Variants in IGF2BP2 observed in about 807,000 individuals in gnomAD.
IGF2BP2 encodes the protein insulin-like growth factor 2 mRNA-binding protein 2.
In IGF2BP2, 17 loss-of-function variants were observed where a neutral mutation model predicts 75.8. The ratio of observed to expected loss-of-function variants is 0.22; its 90% CI spans 0.15 to 0.34. The LOEUF is 0.34. Ranked by LOEUF, IGF2BP2 falls within the 10% of genes least tolerant of loss-of-function variation. IGF2BP2 has a pLI of 1.00. For synonymous variants in IGF2BP2, 288 were observed against 295.6 expected, an observed-to-expected ratio of 0.97 and a Z score of 0.26; for missense variants, 516 against 772.4, an observed-to-expected ratio of 0.67 and a Z score of 3.93.
intron 2 of IGF2BP2, among the ~76,000 whole-genome samples, chr3:185,808,381 G>A (rs191914428): frequency 2.0e-4 from 30 of 152,106 alleles, no homozygotes; most frequent in South Asian, 1.0e-3. Flanking sequence ...CAGGGAGGCT[G>A]ATGCAGGAGA....
intron 2 of IGF2BP2, among the ~76,000 whole-genome samples, chr3:185,705,841 T>C (rs1307342702): frequency 1.3e-5 from 2 of 152,206 alleles, no homozygotes; most frequent in African/African-American, 2.4e-5. Flanking sequence ...TTCCACCTTA[T>C]GATCTAATCA....
rs1431929029 is a variant in IGF2BP2 at position 185,677,377 on chromosome 3, C to A, written c.813-1464G>T. ...AACAGAGGCAAGCAGCATTTAAGAA[C>A]TGCAGTTCTACAGTCAGACACCAGA... On this transcript the variant is annotated intron_variant, in intron 7 of 15. Transcript: ENST00000382199. Among the ~76,000 whole-genome samples, 3 of 152,042 alleles carry A rather than the reference C, an allele frequency of 2.0e-5. No individual in the cohort carries two copies. The East Asian group carries it at 5.8e-4, about 29-fold the overall frequency.
At chr3:185,666,266 G>A (rs1163151762) in intron 10 of IGF2BP2, among the ~76,000 whole-genome samples, 1 of 152,216 alleles carries the variant, frequency 6.6e-6, no homozygotes, top group Admixed American at 6.5e-5. Flanking sequence ...GAAGCTGTTT[G>A]TAGTGAGCAA....
At chr3:185,676,633 C>G (rs1234544391) in intron 7 of IGF2BP2, among the ~76,000 whole-genome samples, 1 of 151,312 alleles carries the variant, frequency 6.6e-6, no homozygotes, top group African/African-American at 2.4e-5. Flanking sequence ...TGATCACACA[C>G]TTCTGCACTC....
chr3:185,813,902 T>C, intron 2 of IGF2BP2, among the ~76,000 whole-genome samples: 1 of 152,080 alleles, frequency 6.6e-6, no homozygotes, highest in Admixed American at 6.6e-5. Flanking sequence ...AGAAGGAGAA[T>C]GAGAGAGGAA....
intron 7 of IGF2BP2, among the ~76,000 whole-genome samples, chr3:185,685,527 T>C (rs1414950057): frequency 6.6e-6 from 1 of 152,180 alleles, no homozygotes; most frequent in East Asian, 1.9e-4. Context: ...TGTTCTTCTT[T>C]TAAGGACCAT....
At chr3:185,712,654 A>C (rs1476542963) in intron 2 of IGF2BP2, 2 of 152,210 alleles carry the variant, frequency 1.3e-5, no homozygotes, top group African/African-American at 4.8e-5. Context: ...GAACTGTTGC[A>C]AGGAGAAGGT....
At chr3:185,765,691 A>G (rs1159970949) in intron 2 of IGF2BP2, among the ~76,000 whole-genome samples, 4 of 152,234 alleles carry the variant, frequency 2.6e-5, no homozygotes, top group Non-Finnish European at 2.9e-5. Context: ...AAAGCACACC[A>G]CTGCAGCAGC....
intron 3 of IGF2BP2, among the ~76,000 whole-genome samples, chr3:185,697,492 G>A (rs1279755953): frequency 6.6e-6 from 1 of 152,012 alleles, no homozygotes; most frequent in Non-Finnish European, 1.5e-5. Context: ...TCTTTGGGTG[G>A]GGAATAAAAT....
At chr3:185,749,452 A>T (rs942608166) in intron 2 of IGF2BP2, among the ~76,000 whole-genome samples, 1 of 152,256 alleles carries the variant, frequency 6.6e-6, no homozygotes, top group African/African-American at 2.4e-5. Context: ...GTCCAAGTTC[A>T]AACAAGCAAT....
chr3:185,715,411 CCA>C (rs369790373), intron 2 of IGF2BP2, among the ~76,000 whole-genome samples: 4 of 152,312 alleles, frequency 2.6e-5, no homozygotes, highest in Middle Eastern at 3.4e-3. Flanking sequence ...TCATCACGCC[CCA>C]CACAGAGTCA....
At chr3:185,734,209 C>T (rs1728561359) in intron 2 of IGF2BP2, among the ~76,000 whole-genome samples, 1 of 152,230 alleles carries the variant, frequency 6.6e-6, no homozygotes, top group Non-Finnish European at 1.5e-5. Context: ...CACATAGTTA[C>T]ATAGGTGAAA....
intron 2 of IGF2BP2, among the ~76,000 whole-genome samples, chr3:185,740,200 C>A (rs780364923): frequency 2.0e-5 from 3 of 152,092 alleles, no homozygotes; most frequent in African/African-American, 7.2e-5. Flanking sequence ...TACACAAAAC[C>A]ATGTATGTCC....
Position 185,647,734 on chromosome 3 carries a change from A to G in IGF2BP2, c.1594-596T>C, listed in dbSNP as rs559547913. 2.6e-5 allele frequency among the ~76,000 whole-genome samples: 4 copies of G among 152,200 alleles called. 1 individual carries two copies. The South Asian group carries it at 8.3e-4, about 32-fold the overall frequency. ...CCATGCTGAGCTCCTCGTGTCTCCA[A>G]CCACTGCCTGCATTGTTCATCCTCC... On this transcript the variant is annotated intron_variant, in intron 14 of 15. Coordinates refer to ENST00000382199, the MANE Select transcript of IGF2BP2 (RefSeq NM_006548.6). This position sits in a 1 kb window ranked among gnomAD's most constrained non-coding sequence, Gnocchi z 4.9.
At chr3:185,677,064 T>TAGAGAG (rs1227931431) in intron 7 of IGF2BP2, among the ~76,000 whole-genome samples, 5 of 45,766 alleles carry the variant, frequency 1.1e-4, no homozygotes, top group African/African-American at 3.3e-4. Context: ...TATATATATA[T>TAGAGAG]ATATAGAGAG....
chr3:185,808,302 C>G (rs1739326304), intron 2 of IGF2BP2, among the ~76,000 whole-genome samples: 1 of 143,160 alleles, frequency 7.0e-6, no homozygotes, highest in Non-Finnish European at 1.5e-5. Flanking sequence ...TGGTGAAACA[C>G]TGTCTCTACT....
At position 185,643,718 on chromosome 3, in the gene IGF2BP2, T is replaced by C. The variant is rs1044785348; in HGVS notation, c.*1813A>G. ...TGGGATGAGGCAATGCCTAGTAAAA[T>C]AAAACACCAAGACACCAGGATCTTG... On this transcript the variant is annotated 3_prime_UTR_variant, in exon 16 of 16. Transcript: ENST00000382199. 50 of 150,990 alleles carry C rather than the reference T, an allele frequency of 3.3e-4. No homozygotes were observed. The highest frequency in any genetic ancestry group is 1.0e-3 in the African/African-American group (42 of 41,128). The allele number at this position is 150,990 out of a possible 1,614,324, so 9.4% of individuals were successfully genotyped here.
At chr3:185,666,407 G>A (rs1274641672) in intron 10 of IGF2BP2, among the ~76,000 whole-genome samples, 3 of 152,206 alleles carry the variant, frequency 2.0e-5, no homozygotes, top group African/African-American at 7.2e-5. Context: ...GCCGAGGCAG[G>A]TGGATCACCT....
At chr3:185,800,672 G>A (rs562426540) in intron 2 of IGF2BP2, among the ~76,000 whole-genome samples, 1 of 146,632 alleles carries the variant, frequency 6.8e-6, no homozygotes, top group Admixed American at 6.8e-5. Flanking sequence ...AGGAGGCGGA[G>A]GTTGCAGTGA....
Sources: gnomAD v4.1 joint callset for allele counts (sites outside exome capture counted in the v4.1 genomes callset) on GRCh38, gnomAD v4.1.1 for gene constraint, Gnocchi (gnomAD v3.1) non-coding constraint, MANE v1.5 for transcripts, NCBI Gene and HGNC (gene_info 2026-07-23, HGNC 2026-07-21) for gene names.